KLHL4: variants seen among roughly 807,000 people sequenced by gnomAD.
KLHL4 encodes the protein kelch like family member 4, also known as kelch-like protein 4.
Under a neutral mutation model 45.8 loss-of-function variants are expected in KLHL4, and 17 were observed. The ratio of observed to expected loss-of-function variants is 0.37; its 90% confidence interval spans 0.25 to 0.56. The LOEUF (loss-of-function observed/expected upper bound fraction) is 0.56, where lower values mean the gene tolerates loss of function less well. KLHL4 is among the 20% of genes least tolerant of loss of function. The pLI is 0.79. For synonymous variants in KLHL4, 224 were observed against 189.9 expected, an observed-to-expected ratio of 1.18 and a Z score of -1.47; for missense variants, 544 against 544.9, an observed-to-expected ratio of 1.00 and a Z score of 0.02.
chrX:87,590,050 A>G (rs1458907530), intron 1 of KLHL4, among the ~76,000 whole-genome samples: 1 of 110,021 alleles, frequency 9.1e-6, no homozygotes, highest in African/African-American at 3.3e-5. Flanking sequence ...AAAAAAAAAA[A>G]AAAAAGACCT....
Position 87,668,886 on chromosome X carries a change from A to G in KLHL4, c.*2352A>G. The G allele has an allele frequency of 1.5e-6, 1 of 663,969 alleles. No homozygotes were observed. The highest frequency in any genetic ancestry group is 1.8e-6 in the Non-Finnish European group (1 of 557,118). 54.7% of individuals were successfully genotyped at this position (663,969 alleles called of 1,213,427 possible). On this transcript the variant is annotated 3_prime_UTR_variant, in exon 11 of 11. Coordinates refer to ENST00000373119, the MANE Select transcript of KLHL4 (RefSeq NM_019117.5). The stretch of plus-strand genomic sequence containing the variant: ...TGTAAGAAATTAATTCTTTTTCTTT[A>G]TAAATTACCCAGGTTCTGTTTTAAG...
intron 3 of KLHL4, among the ~76,000 whole-genome samples, chrX:87,617,680 G>A (rs966655165): frequency 1.3e-4 from 14 of 111,558 alleles, no homozygotes; most frequent in African/African-American, 3.3e-5. Context: ...ACAAGTTGCT[G>A]TTCTTTACAA....
At chrX:87,588,052 A>C (rs1921539118) in intron 1 of KLHL4, among the ~76,000 whole-genome samples, 1 of 111,650 alleles carries the variant, frequency 9.0e-6, no homozygotes, top group Admixed American at 9.5e-5. Flanking sequence ...TCCCATTTAC[A>C]ATAGCCACAC....
chrX:87,625,887 A>G, intron 6 of KLHL4, 91 bp downstream of exon 6: 1 of 703,173 alleles, frequency 1.4e-6, no homozygotes, highest in Non-Finnish European at 2.1e-6. Context: ...ATGTTAAATG[A>G]GTGCACCTAA....
intron 6 of KLHL4, among the ~76,000 whole-genome samples, chrX:87,631,968 TAAACCA>T (rs1264858620): frequency 8.9e-6 from 1 of 112,076 alleles, no homozygotes; most frequent in African/African-American, 3.2e-5. Context: ...TATAAGGGTA[TAAACCA>T]AACATATTAC....
intron 4 of KLHL4, among the ~76,000 whole-genome samples, chrX:87,619,487 A>G (rs989289870): frequency 9.0e-6 from 1 of 111,580 alleles, no homozygotes; most frequent in Non-Finnish European, 1.9e-5. Context: ...TAATTACACC[A>G]TTTATGTCCC....
Position 87,667,478 on chromosome X carries a change from C to A in KLHL4, c.*944C>A, listed in dbSNP as rs1200209027. Reference sequence around the variant, plus strand: ...TACTCAGTGTTAACACATGGGAACACCAAAATATTCAATAAGCCTGGTCAA... The same window carrying A: ...TACTCAGTGTTAACACATGGGAACAACAAAATATTCAATAAGCCTGGTCAA... On this transcript the variant is annotated 3_prime_UTR_variant, in exon 11 of 11. Coordinates refer to ENST00000373119, the MANE Select transcript of KLHL4 (RefSeq NM_019117.5). 1.4e-6 allele frequency: 1 copy of A among 722,950 alleles called. No homozygotes were observed. Among genetic ancestry groups the A allele is most frequent in the African/African-American group, 2.4e-5 (1 of 42,415 alleles). The allele number at this position is 722,950 out of a possible 1,213,427, so 59.6% of individuals were successfully genotyped here. A position where few individuals can be genotyped will look rare whatever the true frequency, so the allele number is the denominator to read the frequency against.
intron 4 of KLHL4, among the ~76,000 whole-genome samples, chrX:87,620,751 C>G (rs1454801052): frequency 8.9e-6 from 1 of 112,444 alleles, no homozygotes; most frequent in African/African-American, 3.2e-5. Context: ...GACTTTGCCA[C>G]TTACTCCATA....
chrX:87,523,129 C>T (rs1295018450), intron 1 of KLHL4, among the ~76,000 whole-genome samples: 1 of 111,521 alleles, frequency 9.0e-6, no homozygotes, highest in Non-Finnish European at 1.9e-5. Context: ...TCAAGAGCAG[C>T]ATATTAATTA....
chrX:87,603,662 G>A (rs1202469139), intron 1 of KLHL4, among the ~76,000 whole-genome samples: 1 of 110,127 alleles, frequency 9.1e-6, no homozygotes. Context: ...ATATTTATAT[G>A]CATCATTATT....
intron 1 of KLHL4, among the ~76,000 whole-genome samples, chrX:87,561,086 T>C (rs1254018804): frequency 1.8e-5 from 2 of 111,270 alleles, no homozygotes; most frequent in Non-Finnish European, 3.8e-5. Flanking sequence ...AGGACATTGG[T>C]GTTGGCAAAA....
rs1164388405 is a variant in KLHL4 at position 87,654,577 on chromosome X, TG to T, written c.1926-10186del. 2.7e-5 allele frequency among the ~76,000 whole-genome samples: 3 copies of T among 111,876 alleles called. No homozygotes were observed. The East Asian group carries it at 8.4e-4, about 31-fold the overall frequency. ...GACATTTAGGTTGATTTCATATATT[TG>T]CTATTGTGAATAGTGCTGCACTAAA... On this transcript the variant is annotated intron_variant, in intron 9 of 10. Transcript: ENST00000373119.
At chrX:87,578,236 C>T (rs1331792494) in intron 1 of KLHL4, among the ~76,000 whole-genome samples, 4 of 110,168 alleles carry the variant, frequency 3.6e-5, no homozygotes, top group South Asian at 7.5e-4. Context: ...CCAAATATAT[C>T]CCTAATTCAA....
Position 87,664,942 on chromosome X carries a change from G to A in KLHL4, c.2097+7G>A, listed in dbSNP as rs200967640. ...GAGAAATGAATGGAAAGAGGTATTC[G>A]AATTAAAATATTCAAATTACTATAT... is the stretch of plus-strand genomic sequence containing the variant. On this transcript the variant is annotated splice_region_variant and intron_variant, in intron 10 of 10. Coordinates refer to ENST00000373119, the MANE Select transcript of KLHL4 (RefSeq NM_019117.5). 1.0e-5 allele frequency: 11 copies of A among 1,069,197 alleles called. 1 individual carries two copies. The highest frequency in any genetic ancestry group is 6.4e-5 in the South Asian group (3 of 46,855). The allele number at this position is 1,069,197 out of a possible 1,213,427, so 88.1% of individuals were successfully genotyped here.
intron 4 of KLHL4, among the ~76,000 whole-genome samples, chrX:87,618,825 TTA>T (rs1445510091): frequency 1.8e-5 from 2 of 111,998 alleles, no homozygotes; most frequent in African/African-American, 6.5e-5. Flanking sequence ...ATGAACTTCT[TTA>T]TGTCTTAGTA....
intron 1 of KLHL4, among the ~76,000 whole-genome samples, chrX:87,603,729 GT>G (rs1412581760): frequency 9.2e-6 from 1 of 109,076 alleles, no homozygotes; most frequent in Non-Finnish European, 1.9e-5. Flanking sequence ...TTATTTCTTT[GT>G]GCTGAGCATT....
At chrX:87,666,445 C>T (rs1924371463) in intron 10 of KLHL4, 30 bp from the exon 11 acceptor site, 1 of 1,151,502 alleles carries the variant, frequency 8.7e-7, no homozygotes. Flanking sequence ...AGAGTTCCAA[C>T]AGTGTTTTGT....
chrX:87,528,706 C>CAAAAAAAAA (rs1160857135), intron 1 of KLHL4, among the ~76,000 whole-genome samples: 3 of 31,495 alleles, frequency 9.5e-5, no homozygotes, highest in Admixed American at 4.9e-4. Flanking sequence ...CAAAGCGAGA[C>CAAAAAAAAA]AAAAAAAAAA....
Position 87,576,654 on chromosome X carries a change from A to G in KLHL4, c.423-37223A>G, listed in dbSNP as rs182981113. On this transcript the variant is annotated intron_variant, in intron 1 of 10. Transcript: ENST00000373119. The stretch of plus-strand genomic sequence containing the variant: ...ATTTGATGTGTTTCTAAAGTAACAT[A>G]AAACTATAGTTTTTGTAATGTGGCT... 3.3e-4 allele frequency among the ~76,000 whole-genome samples: 37 copies of G among 111,950 alleles called. No homozygotes were observed. In the East Asian group the frequency reaches 0.01, roughly 32 times the overall value.
Sources: allele counts gnomAD v4.1 joint callset (sites outside exome capture counted in the v4.1 genomes callset), GRCh38; gene constraint gnomAD v4.1.1; transcripts MANE v1.5; gene names NCBI Gene and HGNC (gene_info 2026-07-23, HGNC 2026-07-21).